Variants in VPS53 observed in about 807,000 individuals in gnomAD.
VPS53 encodes VPS53 subunit of GARP complex, also known as vacuolar protein sorting-associated protein 53 homolog.
Under a neutral mutation model 107.0 loss-of-function variants are expected in VPS53, and 70 were observed. That is an observed-to-expected ratio of 0.65 (90% CI 0.54 to 0.80). The LOEUF is 0.80. Ranked by LOEUF, VPS53 falls within the 30% of genes least tolerant of loss-of-function variation. VPS53 has a pLI of 0.00. For missense variants in VPS53, 917 were observed against 1,049.4 expected, an observed-to-expected ratio of 0.87 and a Z score of 1.74; for synonymous variants, 409 against 393.3, an observed-to-expected ratio of 1.04 and a Z score of -0.47.
chr17:539,967 A>AGTCTATCTAAAGCCCAAACCCG (rs1472965964), intron 17 of VPS53, among the ~76,000 whole-genome samples: 4 of 151,954 alleles, frequency 2.6e-5, no homozygotes, highest in South Asian at 2.1e-4. Context: ...GCCCAAACCA[A>AGTCTATCTAAAGCCCAAACCCG]GTCTATCTAA....
intron 12 of VPS53, 150 bp downstream of exon 12, chr17:601,645 C>G (rs992484977): frequency 2.8e-5 from 16 of 561,498 alleles, no homozygotes; most frequent in Non-Finnish European, 4.7e-5. Context: ...TTTCTACATG[C>G]ACTTTCAGAT....
intron 13 of VPS53, among the ~76,000 whole-genome samples, chr17:584,215 G>A (rs1597341686): frequency 6.6e-6 from 1 of 152,186 alleles, no homozygotes; most frequent in Non-Finnish European, 1.5e-5. Context: ...TCCTCTGGGA[G>A]CCCAGGCCAG....
At chr17:561,819 G>A (rs1913027653) in intron 14 of VPS53, among the ~76,000 whole-genome samples, 1 of 150,788 alleles carries the variant, frequency 6.6e-6, no homozygotes, top group African/African-American at 2.4e-5. Context: ...TAGTAGAGAT[G>A]GGGTTTCACC....
At chr17:597,362 C>T (rs1365649466) in intron 12 of VPS53, among the ~76,000 whole-genome samples, 1 of 152,136 alleles carries the variant, frequency 6.6e-6, no homozygotes, top group African/African-American at 2.4e-5. Flanking sequence ...TGTTGTGCAC[C>T]CCACTCTGGG....
At chr17:686,277 G>C (rs1323858844) in intron 4 of VPS53, among the ~76,000 whole-genome samples, 6 of 151,994 alleles carry the variant, frequency 3.9e-5, no homozygotes, top group African/African-American at 1.5e-4. Flanking sequence ...CTACGATCCT[G>C]CCATTACATT....
intron 18 of VPS53, 87 bp from the exon 19 acceptor site, chr17:532,998 G>GAAAAAAAAAA: frequency 6.6e-7 from 1 of 1,514,026 alleles, no homozygotes; most frequent in Admixed American, 2.2e-5. Flanking sequence ...GTATCTCCAT[G>GAAAAAAAAAA]AAAAAACCTT....
intron 10 of VPS53, among the ~76,000 whole-genome samples, chr17:624,495 T>TA (rs1443377275): frequency 4.6e-5 from 7 of 152,214 alleles, no homozygotes; most frequent in Non-Finnish European, 7.3e-5. Context: ...TGTGAGTTCT[T>TA]AGTAAGGACT....
chr17:525,676 A>G (rs770722676), intron 19 of VPS53, among the ~76,000 whole-genome samples: 1 of 151,826 alleles, frequency 6.6e-6, no homozygotes, highest in Non-Finnish European at 1.5e-5. Context: ...CCTGGGAGAC[A>G]GAGTGGGACC....
chr17:542,071 A>G (rs1268928245), intron 17 of VPS53, among the ~76,000 whole-genome samples: 1 of 151,940 alleles, frequency 6.6e-6, no homozygotes, highest in Non-Finnish European at 1.5e-5. Context: ...CCTACCACGC[A>G]CTGAAGGAAC....
chr17:535,223 A>G (rs1032922232), intron 18 of VPS53, among the ~76,000 whole-genome samples: 13 of 152,142 alleles, frequency 8.5e-5, no homozygotes, highest in Non-Finnish European at 2.9e-5. Context: ...TACAGATGTG[A>G]GGGGGGGCAT....
intron 7 of VPS53, among the ~76,000 whole-genome samples, chr17:638,471 G>A (rs771004292): frequency 6.6e-6 from 1 of 152,152 alleles, no homozygotes; most frequent in African/African-American, 2.4e-5. Context: ...ATGTTAGCTG[G>A]TTATTTTGCT....
intron 19 of VPS53, among the ~76,000 whole-genome samples, chr17:523,711 C>A (rs1300879354): frequency 6.6e-6 from 1 of 152,220 alleles, no homozygotes; most frequent in African/African-American, 2.4e-5. Flanking sequence ...GGTCATTCAA[C>A]TGTAGCCAGC....
rs907469393 is a variant in VPS53 at position 524,115 on chromosome 17, A to G, written c.2086-2377T>C. On this transcript the variant is annotated intron_variant, in intron 19 of 21. Coordinates refer to ENST00000437048, the MANE Select transcript of VPS53 (RefSeq NM_001128159.3). This position sits in a 1 kb window ranked among gnomAD's most constrained non-coding sequence, Gnocchi z 4.5. ...GGAGTTCGAGACCAGCCTGGCCAAC[A>G]TGGAGAAACCCCATCTCTACTAAAA... Among the ~76,000 whole-genome samples the G allele has an allele frequency of 6.6e-6, 1 of 152,184 alleles. No individual in the cohort carries two copies. Among genetic ancestry groups the G allele is most frequent in the African/African-American group, 2.4e-5 (1 of 41,436 alleles).
At chr17:620,366 C>A (rs143207321) in intron 11 of VPS53, among the ~76,000 whole-genome samples, 328 of 152,320 alleles carry the variant, frequency 2.2e-3, no homozygotes, top group African/African-American at 7.5e-3. Flanking sequence ...GAGGGAATTG[C>A]ACTGAAGTCT....
At chr17:627,380 A>ACAAGCAAAAACACAGAGC in intron 9 of VPS53, 64 bp from the exon 10 acceptor site, 2 of 1,537,564 alleles carry the variant, frequency 1.3e-6, no homozygotes, top group South Asian at 1.3e-5. Flanking sequence ...GTTCAAGGAA[A>ACAAGCAAAAACACAGAGC]CAAGCAAAAA....
At chr17:657,056 G>A in intron 5 of VPS53, 1 of 897,024 alleles carries the variant, frequency 1.1e-6, no homozygotes, top group Non-Finnish European at 1.9e-6. Context: ...TGGCTTGCCA[G>A]TGTCGAACGT....
chr17:711,243 T>A (rs1973632377), intron 1 of VPS53, among the ~76,000 whole-genome samples: 1 of 151,324 alleles, frequency 6.6e-6, no homozygotes, highest in Non-Finnish European at 1.5e-5. Flanking sequence ...TACAGCTAAC[T>A]CCCTAACAAC....
At chr17:608,763 ACAC>A (rs1968702824) in intron 11 of VPS53, among the ~76,000 whole-genome samples, 1 of 151,808 alleles carries the variant, frequency 6.6e-6, no homozygotes, top group Non-Finnish European at 1.5e-5. Context: ...ATGCAAGTGC[ACAC>A]TACCACGCCC....
At chr17:685,938 G>A (rs1260094432) in intron 4 of VPS53, among the ~76,000 whole-genome samples, 1 of 152,092 alleles carries the variant, frequency 6.6e-6, no homozygotes, top group Non-Finnish European at 1.5e-5. Flanking sequence ...TTTGAGGCCA[G>A]GAGTTTGAGA....
Sources: allele counts gnomAD v4.1 joint callset (sites outside exome capture counted in the v4.1 genomes callset), GRCh38; gene constraint gnomAD v4.1.1; non-coding constraint Gnocchi (gnomAD v3.1); transcripts MANE v1.5; gene names NCBI Gene and HGNC (gene_info 2026-07-23, HGNC 2026-07-21).